The following PCDHA3 variants were observed in gnomAD, a reference collection of about 807,000 sequenced individuals.
The protein encoded by PCDHA3 is protocadherin alpha 3.
PCDHA3 carries 41 observed loss-of-function variants against 62.2 expected under a neutral mutation model. The observed-to-expected ratio is 0.66, with a 90% CI of 0.51 to 0.86. PCDHA3 has a LOEUF of 0.86. Among genes scored for constraint, PCDHA3 ranks in the 40% least tolerant of loss-of-function variants. The pLI is 0.00. For synonymous variants in PCDHA3, 640 were observed against 555.4 expected (o/e 1.15, Z -2.14); for missense variants, 1,304 against 1,241.2 (o/e 1.05, Z -0.76).
rs2150371932 is a variant in PCDHA3 at position 140,844,548 on chromosome 5, G to A, written c.2394+40957G>A. Among the ~76,000 whole-genome samples, 6 of 149,134 alleles carry A rather than the reference G, an allele frequency of 4.0e-5. 1 individual carries two copies. Among genetic ancestry groups the A allele is most frequent in the Non-Finnish European group, 7.5e-5 (5 of 66,700 alleles). ...TCTAATCATTCAACCCTTTGTTCAT[G>A]AGTTGGAATATTTTCAATAATATTC... On this transcript the variant is annotated intron_variant, in intron 1 of 3. Transcript: ENST00000522353.
intron 1 of PCDHA3, chr5:140,821,739 G>T (rs2150110310): frequency 6.5e-7 from 1 of 1,546,468 alleles, no homozygotes; most frequent in Non-Finnish European, 8.7e-7. Context: ...ATTGTGTGGT[G>T]ATGCAATAGA....
In PCDHA3 at chr5:140,822,755, TC is replaced by T; in HGVS notation, c.2394+19167del. 3.7e-6 allele frequency: 6 copies of T among 1,613,922 alleles called. No individual in the cohort carries two copies. In the South Asian group the frequency reaches 6.6e-5, roughly 18 times the overall value. ...ATTGATGCCATGGATAAAAGTACAT[TC>T]CCATTATCAGGACACTGTAAAGTAG... On this transcript the variant is annotated intron_variant, in intron 1 of 3. Transcript: ENST00000522353.
intron 1 of PCDHA3, among the ~76,000 whole-genome samples, chr5:140,847,026 G>T (rs1780819031): frequency 6.7e-6 from 1 of 149,736 alleles, no homozygotes; most frequent in Non-Finnish European, 1.5e-5. Flanking sequence ...TTCTTGGAAA[G>T]AGAAAACATA....
At chr5:140,803,853 C>T (rs1044553509) in intron 1 of PCDHA3, 9 of 590,676 alleles carry the variant, frequency 1.5e-5, no homozygotes, top group Middle Eastern at 4.4e-4. Context: ...TTGCTAAATG[C>T]CTGGGTATAA....
intron 1 of PCDHA3, chr5:140,867,501 C>G (rs2049995274): frequency 6.6e-6 from 1 of 151,954 alleles, no homozygotes. Context: ...AAAAGTAGAA[C>G]AAAATCTCAA....
At chr5:140,985,531 C>T (rs542453995) in intron 3 of PCDHA3, among the ~76,000 whole-genome samples, 102 of 152,254 alleles carry the variant, frequency 6.7e-4, no homozygotes, top group African/African-American at 1.9e-3. Context: ...TAAAGCTTCA[C>T]GGTGAAGATG....
chr5:140,988,847 C>A (rs2097315589), intron 3 of PCDHA3: 1 of 152,186 alleles, frequency 6.6e-6, no homozygotes, highest in African/African-American at 2.4e-5. Context: ...CTCCTGAAAC[C>A]TATCCAGTCT....
chr5:140,836,758 G>A (rs2150269396), intron 1 of PCDHA3: 3 of 1,572,392 alleles, frequency 1.9e-6, no homozygotes, highest in African/African-American at 2.7e-5. Context: ...AAATAATCTT[G>A]TTTCCAACAA....
chr5:140,963,941 G>A lies in PCDHA3; in HGVS notation c.2395-15008G>A, dbSNP rs1434019587. Among the ~76,000 whole-genome samples the A allele has an allele frequency of 7.9e-5, 12 of 152,320 alleles. No homozygotes were observed. In the East Asian group the frequency reaches 9.6e-4, roughly 12 times the overall value. On this transcript the variant is annotated intron_variant, in intron 1 of 3. Coordinates refer to ENST00000522353, the MANE Select transcript of PCDHA3 (RefSeq NM_018906.3). ...TAAGTAACATGTCCATAGCCAAACAGTTAGTCACTGGCAGGAGTGTGACTG... is the reference window on the plus strand; with the variant it reads ...TAAGTAACATGTCCATAGCCAAACAATTAGTCACTGGCAGGAGTGTGACTG...
intron 1 of PCDHA3, among the ~76,000 whole-genome samples, chr5:140,959,991 G>A (rs2095520706): frequency 6.6e-6 from 1 of 152,168 alleles, no homozygotes; most frequent in South Asian, 2.1e-4. Flanking sequence ...GTTGGGATAT[G>A]AAATACAAAT....
intron 3 of PCDHA3, among the ~76,000 whole-genome samples, chr5:140,989,936 C>T (rs564429410): frequency 1.3e-5 from 2 of 152,104 alleles, no homozygotes; most frequent in Non-Finnish European, 2.9e-5. Flanking sequence ...AGATGACATT[C>T]CACGTTTTTC....
chr5:140,815,529 G>A (rs1554126806), intron 1 of PCDHA3: 1 of 89,522 alleles, frequency 1.1e-5, no homozygotes. Context: ...TTTATATTGT[G>A]TATACATTAT....
chr5:141,005,701 CAAAAAAAAA>C (rs59860837), intron 3 of PCDHA3, among the ~76,000 whole-genome samples: 2 of 7,784 alleles, frequency 2.6e-4, no homozygotes, highest in African/African-American at 4.7e-4. Context: ...AACTCCGTCT[CAAAAAAAAA>C]AAAAAAAAAA....
chr5:140,909,376 A>C (rs934172847), intron 1 of PCDHA3, among the ~76,000 whole-genome samples: 3 of 152,208 alleles, frequency 2.0e-5, no homozygotes, highest in Non-Finnish European at 4.4e-5. Context: ...AAGCAATGAA[A>C]CCACATCTAG....
In PCDHA3 at chr5:140,801,506, C is replaced by T; in HGVS notation, c.309C>T (p.Ser103=). The change falls in exon 1 of 4, where the codon AGC becomes AGT. Residue 103 remains serine, a synonymous_variant. Coordinates refer to ENST00000522353, the MANE Select transcript of PCDHA3 (RefSeq NM_018906.3). The part of the protein sequence containing the change: ...EELCGRSAEC[S]IHLEVIVDRP... ...TGTGCGGGCGGAGCGCGGAGTGCAG[C>T]ATCCACCTGGAGGTGATCGTGGACA... 1 of 1,614,184 alleles carries T rather than the reference C, an allele frequency of 6.2e-7. No individual in the cohort carries two copies.
intron 1 of PCDHA3, chr5:140,852,486 C>A: frequency 4.8e-6 from 1 of 209,724 alleles, no homozygotes; most frequent in Non-Finnish European, 9.1e-6. Flanking sequence ...TCATGTTGGC[C>A]AGGTTGGTCT....
chr5:141,007,498 G>A (rs936217793), intron 3 of PCDHA3, among the ~76,000 whole-genome samples: 1 of 151,942 alleles, frequency 6.6e-6, no homozygotes. Flanking sequence ...GACCTAGGAG[G>A]CAGAGACTGC....
At chr5:140,997,563 A>G (rs891862395) in intron 3 of PCDHA3, among the ~76,000 whole-genome samples, 7 of 152,202 alleles carry the variant, frequency 4.6e-5, no homozygotes, top group Non-Finnish European at 8.8e-5. Context: ...GACAACTGTC[A>G]TATGTGTGGT....
chr5:140,874,803 A>G (rs536331240), intron 1 of PCDHA3, among the ~76,000 whole-genome samples: 1 of 152,378 alleles, frequency 6.6e-6, no homozygotes, highest in East Asian at 1.9e-4. Flanking sequence ...AGATTTATGA[A>G]TAAGACAATT....
Sources: gnomAD v4.1 joint callset for allele counts (sites outside exome capture counted in the v4.1 genomes callset) on GRCh38, gnomAD v4.1.1 for gene constraint, MANE v1.5 for transcripts, NCBI Gene and HGNC (gene_info 2026-07-23, HGNC 2026-07-21) for gene names.